The following SDK1 variants were observed in gnomAD, a reference collection of about 807,000 sequenced individuals.
The protein encoded by SDK1 is protein sidekick-1.
In SDK1, 157 loss-of-function variants were observed where a neutral mutation model predicts 245.5. The observed-to-expected ratio is 0.64, with a 90% CI of 0.56 to 0.73. SDK1 has a LOEUF of 0.73. Ranked by LOEUF, SDK1 falls within the 30% of genes least tolerant of loss-of-function variation. The pLI is 0.00. For synonymous variants in SDK1, 1,647 were observed against 1,278.5 expected (o/e 1.29, Z -6.15); for missense variants, 3,583 against 3,002.3 (o/e 1.19, Z -4.52).
intron 19 of SDK1, among the ~76,000 whole-genome samples, chr7:4,060,173 G>T (rs901361334): frequency 2.0e-5 from 3 of 152,088 alleles, no homozygotes; most frequent in African/African-American, 7.2e-5. Context: ...GAGCCACCAC[G>T]CCCGGCCAGA....
intron 4 of SDK1, among the ~76,000 whole-genome samples, chr7:3,734,490 T>G (rs938121816): frequency 1.3e-5 from 2 of 152,250 alleles, no homozygotes; most frequent in Admixed American, 6.5e-5. Flanking sequence ...AGGGATGTAC[T>G]TTAGTATTTG....
chr7:3,816,570 C>A (rs928445140), intron 4 of SDK1, among the ~76,000 whole-genome samples: 9 of 151,824 alleles, frequency 5.9e-5, no homozygotes, highest in Admixed American at 5.9e-4. Flanking sequence ...TCTGAATAGA[C>A]CAATAACAGG....
At chr7:3,489,098 G>A (rs1781791223) in intron 1 of SDK1, among the ~76,000 whole-genome samples, 1 of 152,076 alleles carries the variant, frequency 6.6e-6, no homozygotes, top group African/African-American at 2.4e-5. Context: ...ATACAGAGTG[G>A]GTAATATTCT....
chr7:3,915,398 G>T (rs1467169595), intron 5 of SDK1, among the ~76,000 whole-genome samples: 3 of 152,156 alleles, frequency 2.0e-5, no homozygotes, highest in African/African-American at 7.2e-5. Context: ...AGGGACCCGT[G>T]GGGAGGTAAT....
intron 15 of SDK1, among the ~76,000 whole-genome samples, chr7:4,011,567 G>A (rs1193944874): frequency 5.3e-5 from 8 of 152,226 alleles, no homozygotes; most frequent in Non-Finnish European, 8.8e-5. Context: ...CCATCCCTGC[G>A]AGGGCCACCT....
chr7:3,527,148 A>G (rs1374126989), intron 1 of SDK1, among the ~76,000 whole-genome samples: 3 of 152,244 alleles, frequency 2.0e-5, no homozygotes, highest in African/African-American at 4.8e-5. Flanking sequence ...AATGTTTTAT[A>G]TACACATTTC....
chr7:3,845,488 CAAAAA>C (rs369588343), intron 5 of SDK1, among the ~76,000 whole-genome samples: 1 of 40,194 alleles, frequency 2.5e-5, no homozygotes, highest in African/African-American at 8.4e-5. Flanking sequence ...GACTCCGTCT[CAAAAA>C]AAAAAAAAAA....
At chr7:3,382,120 A>AT (rs932920986) in intron 1 of SDK1, among the ~76,000 whole-genome samples, 1 of 151,316 alleles carries the variant, frequency 6.6e-6, no homozygotes, top group Non-Finnish European at 1.5e-5. Context: ...TTTATTTTTT[A>AT]TTTTTTTTCA....
chr7:3,378,887 A>G (rs1454341439), intron 1 of SDK1, among the ~76,000 whole-genome samples: 1 of 151,478 alleles, frequency 6.6e-6, no homozygotes, highest in African/African-American at 2.4e-5. Flanking sequence ...CCTTGTTAGG[A>G]CCTCTCATCG....
chr7:3,986,481 C>T (rs760819990), intron 13 of SDK1, among the ~76,000 whole-genome samples: 4 of 152,320 alleles, frequency 2.6e-5, no homozygotes, highest in Non-Finnish European at 5.9e-5. Flanking sequence ...TTACATGTAT[C>T]GGGACTTTTC....
chr7:4,059,477 G>A (rs990306615), intron 19 of SDK1, among the ~76,000 whole-genome samples: 1 of 152,188 alleles, frequency 6.6e-6, no homozygotes, highest in African/African-American at 2.4e-5. Flanking sequence ...GGGAGAGACA[G>A]CAATACAATA....
At chr7:3,728,415 C>T (rs761424248) in intron 4 of SDK1, among the ~76,000 whole-genome samples, 4 of 152,162 alleles carry the variant, frequency 2.6e-5, no homozygotes, top group African/African-American at 4.8e-5. Context: ...GGAAGGAAGG[C>T]GGGATGTGCT....
intron 43 of SDK1, among the ~76,000 whole-genome samples, chr7:4,243,310 A>G (rs1260655442): frequency 1.3e-5 from 2 of 152,222 alleles, no homozygotes; most frequent in Admixed American, 6.5e-5. Context: ...TCAGCCCACA[A>G]AGACCCAAGG....
chr7:3,778,524 T>C (rs1780630634), intron 4 of SDK1, among the ~76,000 whole-genome samples: 1 of 152,236 alleles, frequency 6.6e-6, no homozygotes, highest in African/African-American at 2.4e-5. Context: ...CTAACAGTTA[T>C]TTCTACAGAT....
At chr7:4,116,192 C>T (rs17134380) in intron 25 of SDK1, among the ~76,000 whole-genome samples, 6,559 of 152,256 alleles carry the variant, frequency 0.043, 483 homozygotes, top group African/African-American at 0.15. Context: ...GGACGCAGAT[C>T]AGCTCCCAGC....
chr7:3,852,382 T>G (rs149090613), intron 5 of SDK1, among the ~76,000 whole-genome samples: 193 of 152,178 alleles, frequency 1.3e-3, no homozygotes, highest in African/African-American at 4.6e-3. Context: ...CCATCACCAC[T>G]GCCAACACAT....
chr7:4,074,105 C>G (rs1780460769), intron 20 of SDK1, among the ~76,000 whole-genome samples: 1 of 152,066 alleles, frequency 6.6e-6, no homozygotes, highest in African/African-American at 2.4e-5. Context: ...CTCAGGGGGT[C>G]TTCAGGTATT....
rs372415910 is a variant in SDK1 at position 3,324,642 on chromosome 7, T to G, written c.298+22758T>G. Among the ~76,000 whole-genome samples the G allele has an allele frequency of 1.6e-4, 25 of 152,260 alleles. No homozygotes were observed. In the East Asian group the frequency reaches 4.1e-3, roughly 25 times the overall value. On this transcript the variant is annotated intron_variant, in intron 1 of 44. Coordinates refer to ENST00000404826, the MANE Select transcript of SDK1 (RefSeq NM_152744.4). ...TGTAATTTTTACTCATAAAAATGGG[T>G]TTTGCACTCAAAGCAAAAGTAGGCT...
At chr7:3,878,614 G>A (rs887843936) in intron 5 of SDK1, among the ~76,000 whole-genome samples, 3 of 152,124 alleles carry the variant, frequency 2.0e-5, no homozygotes, top group South Asian at 2.1e-4. Flanking sequence ...TGTATTTATC[G>A]GAATTGGTGA....
Sources: allele counts gnomAD v4.1 joint callset (sites outside exome capture counted in the v4.1 genomes callset), GRCh38; gene constraint gnomAD v4.1.1; transcripts MANE v1.5; gene names NCBI Gene and HGNC (gene_info 2026-07-23, HGNC 2026-07-21).